F3: variants seen among roughly 807,000 people sequenced by gnomAD.
F3 encodes the protein coagulation factor III, tissue factor, also known as tissue factor.
A neutral mutation model predicts 33.5 loss-of-function variants in F3; 18 were observed. The ratio of observed to expected loss-of-function variants is 0.54; its 90% CI spans 0.37 to 0.80. The LOEUF (loss-of-function observed/expected upper bound fraction) is 0.80, where lower values mean the gene tolerates loss of function less well. Among genes scored for constraint, F3 ranks in the 30% least tolerant of loss-of-function variants. F3 has a pLI of 0.00. For synonymous variants in F3, 147 were observed against 140.7 expected, an observed-to-expected ratio of 1.05 and a Z score of -0.32; for missense variants, 353 against 362.1, an observed-to-expected ratio of 0.97 and a Z score of 0.20.
At position 94,532,325 on chromosome 1, in the gene F3, GAATTCC is replaced by G. The variant is rs763186737; in HGVS notation, c.741_746del (p.Glu248_Phe249del). The G allele has an allele frequency of 2.5e-5, 40 of 1,613,876 alleles. 1 individual carries two copies. The South Asian group carries it at 4.3e-4, about 17-fold the overall frequency. On this transcript the variant is annotated inframe_deletion, in exon 5 of 6. Transcript: ENST00000334047. ...ATGGCTGGCAGAGCCACTCACCTCT[GAATTCC>G]CCTTTCTCCTGGCCCATACACTCTA...
chr1:94,539,524 G>A (rs1478492194), intron 2 of F3, among the ~76,000 whole-genome samples: 1 of 152,150 alleles, frequency 6.6e-6, no homozygotes, highest in Non-Finnish European at 1.5e-5. Flanking sequence ...TATTTCATAA[G>A]ATCTCTACCA....
chr1:94,538,342 A>G (rs1651672104), intron 2 of F3, among the ~76,000 whole-genome samples: 1 of 152,226 alleles, frequency 6.6e-6, no homozygotes, highest in African/African-American at 2.4e-5. Flanking sequence ...CACCACTGAA[A>G]ACTGTTAGCA....
chr1:94,537,656 A>G (rs1168445685), intron 2 of F3, among the ~76,000 whole-genome samples: 1 of 152,222 alleles, frequency 6.6e-6, no homozygotes, highest in Non-Finnish European at 1.5e-5. Context: ...AAAAGCCACA[A>G]ATATATTTTC....
chr1:94,536,699 C>T (rs1651619476), intron 2 of F3, among the ~76,000 whole-genome samples: 1 of 152,124 alleles, frequency 6.6e-6, no homozygotes, highest in South Asian at 2.1e-4. Flanking sequence ...GATGAGGCAA[C>T]TGAGACAAAG....
At chr1:94,535,583 T>C (rs534685970) in intron 3 of F3, among the ~76,000 whole-genome samples, 1 of 152,254 alleles carries the variant, frequency 6.6e-6, no homozygotes. Flanking sequence ...TTTAGTGTGA[T>C]AACGGGACAG....
At chr1:94,539,834 C>A (rs725298) in intron 2 of F3, among the ~76,000 whole-genome samples, 1 of 152,198 alleles carries the variant, frequency 6.6e-6, no homozygotes, top group Non-Finnish European at 1.5e-5. Flanking sequence ...TGCTTAAGGG[C>A]AATGTATACA....
chr1:94,532,382 A>C lies in F3; in HGVS notation c.690T>G (p.Val230=), dbSNP rs751259029. 2 of 1,614,172 alleles carry C rather than the reference A, an allele frequency of 1.2e-6. No homozygotes were observed. Among genetic ancestry groups the C allele is most frequent in the South Asian group, 2.2e-5 (2 of 91,084 alleles). Residue 230 remains valine, a synonymous_variant, in exon 5 of 6, where the codon GTT becomes GTG. Transcript: ENST00000334047. The part of the protein sequence containing the change: ...SVQAVIPSRT[V]NRKSTDSPVE... ...CCGGGCTGTCTGTACTCTTCCGGTT[A>C]ACTGTTCGGGAGGGAATCACTGCTT...
intron 1 of F3, 44 bp from the exon 2 acceptor site, chr1:94,540,412 G>T: frequency 7.6e-7 from 1 of 1,311,026 alleles, no homozygotes; most frequent in Non-Finnish European, 1.1e-6. Context: ...GCACTTCAGA[G>T]CACTCGAATG....
At chr1:94,532,628 A>G (rs746915096) in intron 4 of F3, 148 bp from the exon 5 acceptor site, 1 of 850,440 alleles carries the variant, frequency 1.2e-6, no homozygotes, top group African/African-American at 1.7e-5. Context: ...GACTTCGCTA[A>G]TCAGTTTCCC....
intron 1 of F3, 132 bp from the exon 2 acceptor site, chr1:94,540,500 T>C: frequency 1.8e-6 from 1 of 565,316 alleles, no homozygotes; most frequent in Non-Finnish European, 3.1e-6. Flanking sequence ...AAAGCTTCAT[T>C]AGTGAATTAT....
chr1:94,535,019 C>A (rs937199941), intron 3 of F3, among the ~76,000 whole-genome samples: 9 of 151,978 alleles, frequency 5.9e-5, no homozygotes, highest in Non-Finnish European at 7.4e-5. Flanking sequence ...CAAATGGGGG[C>A]TCTGGGAAGG....
chr1:94,541,742 C>CGGGGAGCTCGCAGTCTT lies in F3; in HGVS notation c.-123_-107dup, dbSNP rs1553176959. On this transcript the variant is annotated 5_prime_UTR_variant, in exon 1 of 6. Transcript: ENST00000334047. ...CGGCCAGAGGGAGTGCGAGGGGGTGCGGGGAGCTCGCAGTCTTGGGGAGCC... is the reference window on the plus strand; with the variant it reads ...CGGCCAGAGGGAGTGCGAGGGGGTGCGGGGAGCTCGCAGTCTTGGGGAGCTCGCAGTCTTGGGGAGCC... 1.7e-6 allele frequency: 1 copy of CGGGGAGCTCGCAGTCTT among 595,062 alleles called. No homozygotes were observed. The highest frequency in any genetic ancestry group is 1.9e-5 in the African/African-American group (1 of 51,918). 36.9% of individuals were successfully genotyped at this position (595,062 alleles called of 1,614,324 possible). A position where few individuals can be genotyped will look rare whatever the true frequency, so the allele number is the denominator to read the frequency against.
At chr1:94,537,214 A>T (rs541918777) in intron 2 of F3, among the ~76,000 whole-genome samples, 1 of 152,314 alleles carries the variant, frequency 6.6e-6, no homozygotes, top group Admixed American at 6.5e-5. Context: ...AAGGACTTCT[A>T]CTGACAATGA....
At chr1:94,533,413 G>A (rs987175813) in intron 3 of F3, 145 bp from the exon 4 acceptor site, 29 of 929,396 alleles carry the variant, frequency 3.1e-5, no homozygotes, top group Admixed American at 1.5e-4. Flanking sequence ...CAGGCGTGGC[G>A]GCCTGGAGCT....
intron 4 of F3, 126 bp downstream of exon 4, chr1:94,532,964 C>T: frequency 1.1e-6 from 1 of 945,184 alleles, no homozygotes; most frequent in South Asian, 1.7e-5. Flanking sequence ...GCGCGCTCCC[C>T]CTTCTACTCC....
rs1557703854 is a variant in F3, at chr1:94,541,683, G to A, written c.-47C>T. 2.3e-6 allele frequency: 3 copies of A among 1,276,856 alleles called. No homozygotes were observed. The highest frequency in any genetic ancestry group is 3.0e-5 in the East Asian group (1 of 33,808). The allele number at this position is 1,276,856 out of a possible 1,614,324, so 79.1% of individuals were successfully genotyped here. The stretch of plus-strand genomic sequence containing the variant: ...TCGAGCGGGTTCCGTGGCGCCCGTG[G>A]GGCTGGGGAGGTTGGGCTGAAGGCG... On this transcript the variant is annotated 5_prime_UTR_variant, in exon 1 of 6. Transcript: ENST00000334047.
rs1651375243 is a variant in F3 at position 94,530,122 on chromosome 1, T to G, written c.*338A>C. On this transcript the variant is annotated 3_prime_UTR_variant, in exon 6 of 6. Transcript: ENST00000334047. ...AGCTTTTCAAAAGTCCACCCAGGAT[T>G]TTTTAAGACATTTTCCCATTTGTTT... 5.6e-6 allele frequency: 1 copy of G among 177,418 alleles called. No homozygotes were observed. The highest frequency in any genetic ancestry group is 2.4e-5 in the African/African-American group (1 of 42,224). 11.0% of individuals were successfully genotyped at this position (177,418 alleles called of 1,614,324 possible).
At position 94,532,381 on chromosome 1, in the gene F3, T is replaced by C; in HGVS notation, c.691A>G (p.Asn231Asp). 1.9e-6 allele frequency: 3 copies of C among 1,614,198 alleles called. No homozygotes were observed. The highest frequency in any genetic ancestry group is 2.5e-6 in the Non-Finnish European group (3 of 1,180,034). The part of the protein sequence containing the change: ...VQAVIPSRTV[N>D]RKSTDSPVEC... ...ACCGGGCTGTCTGTACTCTTCCGGTTAACTGTTCGGGAGGGAATCACTGCT... is the reference window on the plus strand; with the variant it reads ...ACCGGGCTGTCTGTACTCTTCCGGTCAACTGTTCGGGAGGGAATCACTGCT... The change falls in exon 5 of 6, where the codon AAC becomes GAC. Residue 231 changes from asparagine (N) to aspartate (D), a missense_variant. Transcript: ENST00000334047.
intron 4 of F3, 168 bp downstream of exon 4, chr1:94,532,922 G>C: frequency 1.5e-6 from 1 of 676,630 alleles, no homozygotes. Flanking sequence ...TCACAGGTAG[G>C]ACCAGGCCTG....
Sources: gnomAD v4.1 joint callset for allele counts (sites outside exome capture counted in the v4.1 genomes callset) on GRCh38, gnomAD v4.1.1 for gene constraint, MANE v1.5 for transcripts, NCBI Gene and HGNC (gene_info 2026-07-23, HGNC 2026-07-21) for gene names.